The following AKAP13 variants were observed in gnomAD, a reference collection of about 807,000 sequenced individuals.
AKAP13 encodes A-kinase anchor protein 13.
Under a neutral mutation model 264.5 loss-of-function variants are expected in AKAP13, and 80 were observed. That is an observed-to-expected ratio of 0.30 (90% CI 0.25 to 0.36). AKAP13 has a LOEUF of 0.36. Among genes scored for constraint, AKAP13 ranks in the 10% least tolerant of loss-of-function variants. The pLI is 1.00. For missense variants in AKAP13, 3,712 were observed against 3,435.2 expected (o/e 1.08, Z -2.01); for synonymous variants, 1,380 against 1,250.2 (o/e 1.10, Z -2.19).
intron 35 of AKAP13, among the ~76,000 whole-genome samples, chr15:85,742,166 G>T (rs2089065579): frequency 6.6e-6 from 1 of 152,216 alleles, no homozygotes; most frequent in Non-Finnish European, 1.5e-5. Context: ...GGGGCATTTT[G>T]GCCAGGGCAG....
intron 5 of AKAP13, among the ~76,000 whole-genome samples, chr15:85,552,691 G>A (rs1368467205): frequency 6.9e-6 from 1 of 145,596 alleles, no homozygotes; most frequent in Non-Finnish European, 1.5e-5. Flanking sequence ...GCAGTGGTGC[G>A]ATCTCAGCTC....
At chr15:85,658,461 G>T in intron 11 of AKAP13, 76 bp from the exon 12 acceptor site, 2 of 1,250,244 alleles carry the variant, frequency 1.6e-6, no homozygotes, top group Non-Finnish European at 2.3e-6. Context: ...CCCCAGTGTG[G>T]TGTCTGTATG....
At chr15:85,437,326 C>CA (rs1434216795) in intron 1 of AKAP13, among the ~76,000 whole-genome samples, 2 of 152,130 alleles carry the variant, frequency 1.3e-5, no homozygotes, top group Non-Finnish European at 2.9e-5. Flanking sequence ...TGGCAATAAT[C>CA]AATAGTTTAC....
rs146818982 is a variant in AKAP13, at chr15:85,472,143, T to C, written c.-11-13567T>C. ...ATTTCAACTTGTAATTGTTTAACAA[T>C]GCTATGGTGAAGAATTGGTTAGATT... On this transcript the variant is annotated intron_variant, in intron 1 of 36. Coordinates refer to ENST00000394518, the MANE Select transcript of AKAP13 (RefSeq NM_007200.5). Among the ~76,000 whole-genome samples, 3 of 152,084 alleles carry C rather than the reference T, an allele frequency of 2.0e-5. No homozygotes were observed. In the East Asian group the frequency reaches 5.8e-4, roughly 29 times the overall value.
chr15:85,598,850 AAATGTTTCACTCAAAGGATTT>A (rs1235483759), intron 8 of AKAP13, among the ~76,000 whole-genome samples: 1 of 152,210 alleles, frequency 6.6e-6, no homozygotes, highest in African/African-American at 2.4e-5. Context: ...AATTCTGCTG[AAATGTTTCACTCAAAGGATTT>A]TCCCTGTTGA....
rs1036851747 is a variant in AKAP13, at chr15:85,602,842, T to G, written c.4161+17019T>G. 1.3e-5 allele frequency among the ~76,000 whole-genome samples: 2 copies of G among 152,194 alleles called. 1 individual carries two copies. The highest frequency in any genetic ancestry group is 4.8e-5 in the African/African-American group (2 of 41,454). On this transcript the variant is annotated intron_variant, in intron 8 of 36. Transcript: ENST00000394518. ...TGCATAATTTTGTAAAATCCTACAT[T>G]GGTCATTTGGAAAATATTGATTCAC... is the stretch of plus-strand genomic sequence containing the variant.
At chr15:85,711,568 CTA>C (rs2086636239) in intron 19 of AKAP13, among the ~76,000 whole-genome samples, 1 of 152,164 alleles carries the variant, frequency 6.6e-6, no homozygotes, top group Admixed American at 6.5e-5. Flanking sequence ...TTGTTTCAGA[CTA>C]TGGCATGGTA....
At chr15:85,441,812 C>A (rs572051277) in intron 1 of AKAP13, among the ~76,000 whole-genome samples, 2 of 151,952 alleles carry the variant, frequency 1.3e-5, no homozygotes. Flanking sequence ...AATAGTCTTA[C>A]ATATGCTGTG....
chr15:85,405,850 C>A (rs1160318643), intron 1 of AKAP13, among the ~76,000 whole-genome samples: 1 of 152,100 alleles, frequency 6.6e-6, no homozygotes, highest in East Asian at 1.9e-4. Context: ...CCTCACCCCC[C>A]ACCCTCTTTT....
rs747090316 is a variant in AKAP13, at chr15:85,741,357, C to T, written c.7920C>T (p.Leu2640=). Residue 2640 remains leucine, a synonymous_variant, in exon 35 of 37, where the codon CTC becomes CTT. Coordinates refer to ENST00000394518, the MANE Select transcript of AKAP13 (RefSeq NM_007200.5). Reference sequence around the variant, plus strand: ...ACCTGGAAAAGGAGCGGGAGGAGCTCCAGCAGAAGAAGGGCACATACCAGT... The same window carrying T: ...ACCTGGAAAAGGAGCGGGAGGAGCTTCAGCAGAAGAAGGGCACATACCAGT... ...QQDLEKEREE[L]QQKKGTYQYD... is the part of the protein sequence containing the mutation. The T allele has an allele frequency of 1.9e-6, 3 of 1,613,966 alleles. No individual in the cohort carries two copies. The highest frequency in any genetic ancestry group is 3.3e-5 in the Admixed American group (2 of 60,018).
Position 85,713,949 on chromosome 15 carries a change from A to G in AKAP13, c.5600-1839A>G, listed in dbSNP as rs1361154614. ...CTCTTTAGTCATGTTAATGAGAAAT[A>G]TGCACTATGAGAACAATTTAGAATT... is the stretch of plus-strand genomic sequence containing the variant. On this transcript the variant is annotated intron_variant, in intron 19 of 36. Transcript: ENST00000394518. Among the ~76,000 whole-genome samples the G allele has an allele frequency of 2.0e-5, 3 of 152,188 alleles. No individual in the cohort carries two copies. The East Asian group carries it at 5.8e-4, about 29-fold the overall frequency.
At chr15:85,641,550 A>G (rs192051254) in intron 9 of AKAP13, among the ~76,000 whole-genome samples, 8 of 150,776 alleles carry the variant, frequency 5.3e-5, no homozygotes, top group East Asian at 2.0e-4. Context: ...CAGTGGCACA[A>G]TCTCGGCTCA....
chr15:85,395,215 A>G (rs756652557), intron 1 of AKAP13, among the ~76,000 whole-genome samples: 6 of 152,182 alleles, frequency 3.9e-5, no homozygotes, highest in Admixed American at 2.0e-4. Context: ...TGTATATTTA[A>G]TTAAATTTTT....
chr15:85,730,443 C>T, intron 29 of AKAP13, 70 bp from the exon 30 acceptor site: 1 of 1,508,680 alleles, frequency 6.6e-7, no homozygotes, highest in South Asian at 1.2e-5. Flanking sequence ...CAAGGTGGTG[C>T]TCGTGTCTTA....
At chr15:85,586,840 A>AT (rs1270540388) in intron 8 of AKAP13, among the ~76,000 whole-genome samples, 1 of 152,032 alleles carries the variant, frequency 6.6e-6, no homozygotes, top group African/African-American at 2.4e-5. Flanking sequence ...AGGCATGAGA[A>AT]TCATTTGAAC....
chr15:85,685,677 A>G (rs764473136), intron 16 of AKAP13, among the ~76,000 whole-genome samples: 11 of 152,228 alleles, frequency 7.2e-5, no homozygotes, highest in Non-Finnish European at 1.5e-4. Flanking sequence ...ATTTGTTTGT[A>G]AAGATGAAGT....
chr15:85,634,268 C>T (rs1209231832), intron 8 of AKAP13, among the ~76,000 whole-genome samples: 1 of 152,166 alleles, frequency 6.6e-6, no homozygotes, highest in Non-Finnish European at 1.5e-5. Flanking sequence ...CCTTATGCCA[C>T]TTAGCATATA....
chr15:85,578,156 A>G (rs1328551440), intron 6 of AKAP13, among the ~76,000 whole-genome samples: 1 of 152,128 alleles, frequency 6.6e-6, no homozygotes, highest in Non-Finnish European at 1.5e-5. Flanking sequence ...AATGGTGCAC[A>G]CCTGTAGTCC....
At chr15:85,406,649 A>T (rs1377153048) in intron 1 of AKAP13, among the ~76,000 whole-genome samples, 1 of 151,532 alleles carries the variant, frequency 6.6e-6, no homozygotes, top group Non-Finnish European at 1.5e-5. Context: ...TTCCAGTCTG[A>T]ATTCCTATTT....
Sources: gnomAD v4.1 joint callset for allele counts (sites outside exome capture counted in the v4.1 genomes callset) on GRCh38, gnomAD v4.1.1 for gene constraint, MANE v1.5 for transcripts, NCBI Gene and HGNC (gene_info 2026-07-23, HGNC 2026-07-21) for gene names.